The following THBS3 variants were observed in gnomAD, a reference collection of about 807,000 sequenced individuals.
THBS3 encodes thrombospondin-3.
Under a neutral mutation model 118.3 loss-of-function variants are expected in THBS3, and 78 were observed. That is an observed-to-expected ratio of 0.66 (90% CI 0.55 to 0.80). The LOEUF (loss-of-function observed/expected upper bound fraction) is 0.80, where lower values mean the gene tolerates loss of function less well. THBS3 is among the 30% of genes least tolerant of loss of function. The pLI is 0.00. For synonymous variants in THBS3, 427 were observed against 475.3 expected (o/e 0.90, Z 1.32); for missense variants, 1,057 against 1,247.4 (o/e 0.85, Z 2.30).
Position 155,200,113 on chromosome 1 carries a change from C to A in THBS3, c.1709G>T (p.Gly570Val). Residue 570 changes from glycine to valine, a missense_variant and splice_region_variant, in exon 15 of 23, where the codon GGC becomes GTC. Physicochemically the swap from Gly to Val is moderately radical, Grantham distance 109. Around this residue, in one of 3 missense-constraint regions of THBS3, gnomAD observed 544 missense variants for 715.6 expected, o/e 0.76. Transcript: ENST00000368378. ...GCAATTGTCCAATCCATTGGGGATGCCTAGAAGACATGGGTAGCACAAGGT... is the reference window on the plus strand; with the variant it reads ...GCAATTGTCCAATCCATTGGGGATGACTAGAAGACATGGGTAGCACAAGGT... ...DACDNDVDGD[G>V]IPNGLDNCPK... 1 of 1,551,682 alleles carries A rather than the reference C, an allele frequency of 6.4e-7. No individual in the cohort carries two copies. The highest frequency in any genetic ancestry group is 2.0e-5 in the Admixed American group (1 of 50,272).
chr1:155,199,916 G>A lies in THBS3; in HGVS notation c.1828-60C>T, dbSNP rs1412339260. On this transcript the variant is annotated intron_variant, in intron 15 of 22. Coordinates refer to ENST00000368378, the MANE Select transcript of THBS3 (RefSeq NM_007112.5). ...TTGATAACTCTGAAGAGGGTGATCT[G>A]ACCACTTTCCATCCAAAGGGCTGGG... The A allele has an allele frequency of 3.7e-6, 6 of 1,612,476 alleles. No individual in the cohort carries two copies. In the African/African-American group the frequency reaches 8.0e-5, roughly 22 times the overall value.
chr1:155,205,594 A>G (rs1670426747), intron 2 of THBS3: 2 of 425,856 alleles, frequency 4.7e-6, no homozygotes, highest in Non-Finnish European at 8.5e-6. Context: ...CCTGGTCAAC[A>G]TGGCGAAACC....
upstream of THBS3, chr1:155,208,736 G>A: frequency 3.8e-6 from 2 of 532,266 alleles, no homozygotes; most frequent in Non-Finnish European, 2.8e-6. Context: ...CGCCGCCACC[G>A]CCCCTGTTTT....
At chr1:155,198,284 T>C in intron 17 of THBS3, 64 bp from the exon 18 acceptor site, 1 of 1,598,578 alleles carries the variant, frequency 6.3e-7, no homozygotes, top group East Asian at 2.2e-5. Flanking sequence ...AACAATACCA[T>C]CTGTTGGGCC....
At chr1:155,199,013 G>C (rs778958545) in intron 16 of THBS3, among the ~76,000 whole-genome samples, 1 of 151,934 alleles carries the variant, frequency 6.6e-6, no homozygotes, top group Admixed American at 6.6e-5. Flanking sequence ...CCAGCTACTC[G>C]GGAGGCTGAG....
intron 2 of THBS3, 99 bp from the exon 3 acceptor site, chr1:155,205,415 C>T: frequency 6.8e-7 from 1 of 1,480,362 alleles, no homozygotes; most frequent in Middle Eastern, 2.4e-4. Context: ...CTCTAGGGCC[C>T]CTATCCCTAA....
chr1:155,208,946 G>A (rs1305063398), upstream of THBS3: 1 of 1,609,764 alleles, frequency 6.2e-7, no homozygotes, highest in Non-Finnish European at 8.5e-7. Flanking sequence ...AGAGCCTGCC[G>A]CGCCTTCAGG....
intron 2 of THBS3, 66 bp from the exon 3 acceptor site, chr1:155,205,382 A>G (rs1670403070): frequency 6.3e-7 from 1 of 1,578,474 alleles, no homozygotes; most frequent in African/African-American, 1.3e-5. Flanking sequence ...TGAGCCTTGG[A>G]TCAACTCTGC....
rs1668558783 is a variant in THBS3 at position 155,195,776 on chromosome 1, C to T, written c.*65G>A. The stretch of plus-strand genomic sequence containing the variant: ...GGGGCTGTAGCTTAGACCTCAGGGT[C>T]TCCAGGATGGACCCCAAGGCCAAAG... On this transcript the variant is annotated 3_prime_UTR_variant, in exon 23 of 23. Coordinates refer to ENST00000368378, the MANE Select transcript of THBS3 (RefSeq NM_007112.5). 1.9e-6 allele frequency: 3 copies of T among 1,570,958 alleles called. No individual in the cohort carries two copies. The highest frequency in any genetic ancestry group is 1.3e-5 in the African/African-American group (1 of 74,188).
chr1:155,203,422 T>G (rs1670089023), intron 5 of THBS3, 91 bp downstream of exon 5: 1 of 1,592,438 alleles, frequency 6.3e-7, no homozygotes, highest in Non-Finnish European at 8.6e-7. Flanking sequence ...CCTACTACAT[T>G]CCTGACTGAA....
At position 155,198,165 on chromosome 1, in the gene THBS3, G is replaced by C; in HGVS notation, c.2130C>G (p.Asp710Glu). The C allele has an allele frequency of 6.2e-7, 1 of 1,614,150 alleles. No homozygotes were observed. The highest frequency in any genetic ancestry group is 8.5e-7 in the Non-Finnish European group (1 of 1,180,042). The change falls in exon 18 of 23, where the codon GAC becomes GAG. Residue 710 changes from aspartate to glutamate, a missense_variant. Coordinates refer to ENST00000368378, the MANE Select transcript of THBS3 (RefSeq NM_007112.5). ...EDDFDNDAVV[D>E]PLDVCPESAE... The stretch of plus-strand genomic sequence containing the variant: ...CACTTTCAGGACACACATCCAGGGG[G>C]TCGACCACAGCATCATTGTCAAAGT...
intron 16 of THBS3, 85 bp from the exon 17 acceptor site, chr1:155,198,687 C>G: frequency 7.1e-7 from 1 of 1,410,110 alleles, no homozygotes; most frequent in Non-Finnish European, 9.8e-7. Context: ...TCTCTGGAGC[C>G]TGCTCTCCAT....
Position 155,198,228 on chromosome 1 carries a change from G to T in THBS3, c.2075-8C>A, listed in dbSNP as rs1192646116. ...CATCACCAACGCCATTGCCTGGGCA[G>T]AGTGAGGCTGGGTGCTCAGGAAGGC... On this transcript the variant is annotated splice_region_variant and splice_polypyrimidine_tract_variant and intron_variant, in intron 17 of 22. Coordinates refer to ENST00000368378, the MANE Select transcript of THBS3 (RefSeq NM_007112.5). The T allele has an allele frequency of 1.9e-6, 3 of 1,613,456 alleles. No individual in the cohort carries two copies. The highest frequency in any genetic ancestry group is 1.7e-6 in the Non-Finnish European group (2 of 1,179,524).
Position 155,202,746 on chromosome 1 carries a change from T to G in THBS3, c.957+66A>C. On this transcript the variant is annotated intron_variant, in intron 8 of 22. Transcript: ENST00000368378. This position sits in a 1 kb window ranked among gnomAD's most constrained non-coding sequence, Gnocchi z 5.5. ...CTCCGGACCAGCATTTATCCCACCC[T>G]CTTGGGTGCCTCCTGACATCCTCAC... is the stretch of plus-strand genomic sequence containing the variant. 6.4e-7 allele frequency: 1 copy of G among 1,552,042 alleles called. No homozygotes were observed. Among genetic ancestry groups the G allele is most frequent in the Non-Finnish European group, 8.7e-7 (1 of 1,147,618 alleles).
upstream of THBS3, chr1:155,209,132 C>G (rs746453727): frequency 1.9e-6 from 3 of 1,540,678 alleles, no homozygotes; most frequent in African/African-American, 4.1e-5. Context: ...CCTCGCCTCC[C>G]CGGGGATCTC....
At chr1:155,201,036 C>G (rs377527791) in intron 12 of THBS3, 32 bp from the exon 13 acceptor site, 18 of 1,614,104 alleles carry the variant, frequency 1.1e-5, no homozygotes, top group Non-Finnish European at 1.4e-5. Context: ...TGGATGAGTT[C>G]TGGCCTGACC....
intron 4 of THBS3, 68 bp downstream of exon 4, chr1:155,204,787 A>G (rs1369461637): frequency 7.1e-7 from 1 of 1,403,218 alleles, no homozygotes. Context: ...AGGGAGATCA[A>G]GAAGACAGGA....
rs1344710888 is a variant in THBS3 at position 155,197,471 on chromosome 1, G to A, written c.2491C>T (p.Gln831Ter). ...PFRAVAQPGL[Q>*]LKAVTSVSGP... ...TCTGAGCAGCTGGGGACCTTGAGCT[G>A]CAGCCCGGGCTGGGCAACCGCCCGG... The change falls in exon 20 of 23, where the codon CAG (glutamine) becomes TAG (stop). Residue 831 changes from glutamine (Q) to a stop codon, truncating the protein, a stop_gained. Coordinates refer to ENST00000368378, the MANE Select transcript of THBS3 (RefSeq NM_007112.5). LOFTEE classifies it high-confidence loss of function. The surrounding 1 kb of genome is among the most constrained non-coding windows in gnomAD (Gnocchi z 5.0). The A allele has an allele frequency of 1.2e-6, 2 of 1,612,550 alleles. No individual in the cohort carries two copies. The highest frequency in any genetic ancestry group is 2.2e-5 in the South Asian group (2 of 91,046).
chr1:155,206,861 C>CA lies in THBS3; in HGVS notation c.80-456dup, dbSNP rs904914581. 9.3e-5 allele frequency among the ~76,000 whole-genome samples: 14 copies of CA among 150,724 alleles called. No homozygotes were observed. Among genetic ancestry groups the CA allele is most frequent in the East Asian group, 1.9e-4 (1 of 5,180 alleles). On this transcript the variant is annotated intron_variant, in intron 1 of 22. Coordinates refer to ENST00000368378, the MANE Select transcript of THBS3 (RefSeq NM_007112.5). This position sits in a 1 kb window ranked among gnomAD's most constrained non-coding sequence, Gnocchi z 4.2. ...CCATCTCAAAAAGACAAAACGAAAA[C>CA]AAAAAAAAACCTCAACCCTTGTTGC...
Sources: gnomAD v4.1 joint callset for allele counts (sites outside exome capture counted in the v4.1 genomes callset) on GRCh38, gnomAD v4.1.1 for gene constraint, gnomAD v4.1.1 regional missense constraint, Gnocchi (gnomAD v3.1) non-coding constraint, MANE v1.5 for transcripts, NCBI Gene and HGNC (gene_info 2026-07-23, HGNC 2026-07-21) for gene names.